Variants in NIN observed in about 807,000 individuals in gnomAD.
NIN encodes the protein glycogen synthase kinase 3 beta-interacting protein.
In NIN, 137 loss-of-function variants were observed where a neutral mutation model predicts 257.6. The observed-to-expected ratio is 0.53, with a 90% CI of 0.46 to 0.61. The LOEUF is 0.61. Among genes scored for constraint, NIN ranks in the 20% least tolerant of loss-of-function variants. NIN has a pLI of 0.00. For missense variants in NIN, 2,439 were observed against 2,501.2 expected (o/e 0.98, Z 0.53); for synonymous variants, 918 against 919.8 (o/e 1.00, Z 0.04).
At chr14:50,789,402 G>T (rs1020158863) in intron 5 of NIN, among the ~76,000 whole-genome samples, 4 of 152,096 alleles carry the variant, frequency 2.6e-5, no homozygotes, top group Admixed American at 6.5e-5. Context: ...GTGAAACCCC[G>T]TCTCTACTAG....
chr14:50,754,221 T>C (rs542633730), intron 20 of NIN, among the ~76,000 whole-genome samples: 5 of 152,304 alleles, frequency 3.3e-5, no homozygotes, highest in Non-Finnish European at 5.9e-5. Flanking sequence ...CTTTCAATCA[T>C]GGTGAGGAAA....
chr14:50,758,290 GCTGT>G lies in NIN; in HGVS notation c.2736_2739del (p.Arg912SerfsTer10), dbSNP rs1566813670. On this transcript the variant is annotated frameshift_variant, in exon 18 of 31. Coordinates refer to ENST00000530997, the MANE Select transcript of NIN (RefSeq NM_020921.4). LOFTEE classifies it high-confidence loss of function. ...AGGTCTTCCAGGTCTTGGAGTAGCT[GCTGT>G]CTCTCGACGACCATGCTGTTCAAAT... 1 of 1,614,226 alleles carries G rather than the reference GCTGT, an allele frequency of 6.2e-7. No individual in the cohort carries two copies. Among genetic ancestry groups the G allele is most frequent in the South Asian group, 1.1e-5 (1 of 91,088 alleles).
intron 5 of NIN, among the ~76,000 whole-genome samples, chr14:50,789,201 T>C (rs1271820042): frequency 1.3e-5 from 2 of 152,062 alleles, no homozygotes; most frequent in African/African-American, 4.8e-5. Flanking sequence ...AAGGAATAAA[T>C]TCCCAACATC....
chr14:50,793,249 C>T (rs372528875), intron 4 of NIN, among the ~76,000 whole-genome samples: 16 of 152,044 alleles, frequency 1.1e-4, no homozygotes, highest in African/African-American at 3.4e-4. Flanking sequence ...CAAAGAGACA[C>T]CTTGGAGGAA....
At chr14:50,730,825 G>C (rs923047282) in intron 28 of NIN, 1 of 925,324 alleles carries the variant, frequency 1.1e-6, no homozygotes, top group East Asian at 6.4e-5. Flanking sequence ...CTTTCCTTAA[G>C]TACTTATTAA....
rs375334077 is a variant in NIN at position 50,757,015 on chromosome 14, C to T, written c.4015G>A (p.Val1339Met). ...AAGCAGCAGTCACACCGCTGGACCA[C>T]GCTTTCCTGAAGCTTCTCAATCTTG... ...QGKIEKLQES[V>M]VQRCDCCLWE... The change falls in exon 18 of 31, where the codon GTG becomes ATG. Residue 1339 changes from valine (V) to methionine (M), a missense_variant. By Grantham distance (21) the Val-to-Met change is conservative. Around this residue, in one of 3 missense-constraint regions of NIN, gnomAD observed 2,043 missense variants for 2,050.2 expected, o/e 1.00. Transcript: ENST00000530997. The T allele has an allele frequency of 1.1e-5, 17 of 1,612,760 alleles. No individual in the cohort carries two copies. Among genetic ancestry groups the T allele is most frequent in the Non-Finnish European group, 1.3e-5 (15 of 1,179,572 alleles).
chr14:50,779,203 G>A (rs1189022118), intron 5 of NIN, among the ~76,000 whole-genome samples: 4 of 152,182 alleles, frequency 2.6e-5, no homozygotes, highest in Non-Finnish European at 4.4e-5. Flanking sequence ...TTTGTGCTAG[G>A]TACTGTGCTA....
At chr14:50,733,963 G>A (rs549700609) in intron 28 of NIN, among the ~76,000 whole-genome samples, 8 of 152,138 alleles carry the variant, frequency 5.3e-5, no homozygotes, top group Admixed American at 2.6e-4. Flanking sequence ...AGTGCTATAC[G>A]TTTGCCCATA....
chr14:50,810,032 C>A (rs904146426), intron 3 of NIN, among the ~76,000 whole-genome samples: 2 of 151,984 alleles, frequency 1.3e-5, no homozygotes, highest in Admixed American at 6.6e-5. Context: ...GAGATCGAGA[C>A]CATCCTGGCT....
chr14:50,770,825 G>A (rs368449782), intron 11 of NIN, 27 bp downstream of exon 11: 19 of 1,603,414 alleles, frequency 1.2e-5, no homozygotes, highest in Admixed American at 1.7e-5. Flanking sequence ...TGGTGGGTGA[G>A]GAGGAGCCTC....
chr14:50,756,919 C>T lies in NIN; in HGVS notation c.4111G>A (p.Glu1371Lys), dbSNP rs146491539. 1.3e-6 allele frequency: 2 copies of T among 1,565,878 alleles called. No individual in the cohort carries two copies. The highest frequency in any genetic ancestry group is 1.9e-5 in the Admixed American group (1 of 52,156). The change falls in exon 18 of 31, where the codon GAA (glutamate) becomes AAA (lysine). Residue 1371 changes from glutamate to lysine, a missense_variant. Physicochemically the swap from Glu to Lys is moderately conservative, Grantham distance 56. Coordinates refer to ENST00000530997, the MANE Select transcript of NIN (RefSeq NM_020921.4). ...CTCCTAACCCTGGGCACACACTCTT[C>T]CAGTGTCTGATTGAGCTGGAGTATA... ...GNILQLNQTL[E>K]ECVPRVRSVH...
Position 50,721,269 on chromosome 14 carries a change from T to G in NIN, c.*2194A>C. 1 of 204,112 alleles carries G rather than the reference T, an allele frequency of 4.9e-6. No homozygotes were observed. Among genetic ancestry groups the G allele is most frequent in the East Asian group, 7.6e-5 (1 of 13,236 alleles). 12.6% of individuals were successfully genotyped at this position (204,112 alleles called of 1,614,324 possible). Reference sequence around the variant, plus strand: ...TGATTTTGAATAGAGATTCTAAATGTAGTCTAAACTTTCCAGAAAGTCATA... The same window carrying G: ...TGATTTTGAATAGAGATTCTAAATGGAGTCTAAACTTTCCAGAAAGTCATA... On this transcript the variant is annotated 3_prime_UTR_variant, in exon 31 of 31. Transcript: ENST00000530997.
At chr14:50,803,777 A>C (rs986486713) in intron 4 of NIN, among the ~76,000 whole-genome samples, 1 of 152,156 alleles carries the variant, frequency 6.6e-6, no homozygotes, top group Non-Finnish European at 1.5e-5. Flanking sequence ...AGGGAGAGGG[A>C]GAGGTAAATG....
chr14:50,803,367 A>G (rs2044181096), intron 4 of NIN, among the ~76,000 whole-genome samples: 1 of 152,186 alleles, frequency 6.6e-6, no homozygotes, highest in South Asian at 2.1e-4. Flanking sequence ...AAACAAAAAC[A>G]AAAACACAGA....
rs531301565 is a variant in NIN, at chr14:50,738,235, G to C, written c.5680C>G (p.Pro1894Ala). ...LLPKHQKHLN[P>A]SGTMNPTEQE... ...TCTGTGGGATTCATGGTACCTGATGGGTTTAGATGTTTTTGGTGCTTGGGA... is the reference window on the plus strand; with the variant it reads ...TCTGTGGGATTCATGGTACCTGATGCGTTTAGATGTTTTTGGTGCTTGGGA... Residue 1894 changes from proline (P) to alanine (A), a missense_variant, in exon 27 of 31, where the codon CCA becomes GCA. This residue lies in a region of NIN where 2,043 missense variants were observed against 2,050.2 expected (regional missense o/e 1.00). Transcript: ENST00000530997. 6 of 1,613,966 alleles carry C rather than the reference G, an allele frequency of 3.7e-6. No individual in the cohort carries two copies. The South Asian group carries it at 6.6e-5, about 18-fold the overall frequency.
chr14:50,724,571 A>G (rs1464376167), intron 30 of NIN, among the ~76,000 whole-genome samples: 2 of 152,132 alleles, frequency 1.3e-5, no homozygotes, highest in Non-Finnish European at 2.9e-5. Context: ...CCTTAAAAAA[A>G]CACTTTGATG....
At chr14:50,764,441 T>A (rs2042394326) in intron 14 of NIN, among the ~76,000 whole-genome samples, 1 of 152,192 alleles carries the variant, frequency 6.6e-6, no homozygotes, top group Non-Finnish European at 1.5e-5. Flanking sequence ...GCAAGAAGTT[T>A]AGCAGTTCCT....
intron 3 of NIN, among the ~76,000 whole-genome samples, chr14:50,810,739 C>T (rs1402388234): frequency 6.6e-6 from 1 of 151,820 alleles, no homozygotes; most frequent in Non-Finnish European, 1.5e-5. Flanking sequence ...CGGCTCACCG[C>T]AAGCTCCGCC....
chr14:50,821,867 A>G lies in NIN; in HGVS notation c.183+7T>C. 1 of 1,611,376 alleles carries G rather than the reference A, an allele frequency of 6.2e-7. No individual in the cohort carries two copies. Among genetic ancestry groups the G allele is most frequent in the Non-Finnish European group, 8.5e-7 (1 of 1,178,444 alleles). On this transcript the variant is annotated splice_region_variant and intron_variant, in intron 3 of 30. Transcript: ENST00000530997. ...TTCCCATAGCCACGTTCTTCCCCAG[A>G]CCTTACCCTGCCCAAGAGGTTGTCC...
Sources: gnomAD v4.1 joint callset for allele counts (sites outside exome capture counted in the v4.1 genomes callset) on GRCh38, gnomAD v4.1.1 for gene constraint, gnomAD v4.1.1 regional missense constraint, MANE v1.5 for transcripts, NCBI Gene and HGNC (gene_info 2026-07-23, HGNC 2026-07-21) for gene names.